The following SEMA5B variants were observed in gnomAD, a reference collection of about 807,000 sequenced individuals.
The protein encoded by SEMA5B is semaphorin-5B.
Under a neutral mutation model 135.0 loss-of-function variants are expected in SEMA5B, and 66 were observed. That is an observed-to-expected ratio of 0.49 (90% CI 0.40 to 0.60). The LOEUF (loss-of-function observed/expected upper bound fraction) is 0.60, where lower values mean the gene tolerates loss of function less well. Among genes scored for constraint, SEMA5B ranks in the 20% least tolerant of loss-of-function variants. The pLI, the probability that SEMA5B is intolerant of heterozygous loss-of-function variation, is 0.00. For synonymous variants in SEMA5B, 690 were observed against 639.5 expected (o/e 1.08, Z -1.19); for missense variants, 1,501 against 1,566.3 (o/e 0.96, Z 0.70).
At chr3:122,981,389 G>A (rs1366108798) in intron 1 of SEMA5B, among the ~76,000 whole-genome samples, 1 of 152,212 alleles carries the variant, frequency 6.6e-6, no homozygotes, top group Non-Finnish European at 1.5e-5. Context: ...AGGGAAAGAC[G>A]TGACCCCAGC....
intron 1 of SEMA5B, among the ~76,000 whole-genome samples, chr3:123,019,177 T>C (rs982399021): frequency 1.3e-5 from 2 of 152,216 alleles, no homozygotes; most frequent in African/African-American, 4.8e-5. Context: ...GAAAAGCCTA[T>C]GTAGTGGTTA....
chr3:123,018,585 C>T (rs1351742461), intron 1 of SEMA5B, among the ~76,000 whole-genome samples: 1 of 152,230 alleles, frequency 6.6e-6, no homozygotes, highest in Admixed American at 6.5e-5. Context: ...TTTCTCTTAG[C>T]TCCATTTAAG....
rs763955230 is a variant in SEMA5B at position 122,966,701 on chromosome 3, C to G, written c.-38-5400G>C. 2.9e-4 allele frequency among the ~76,000 whole-genome samples: 44 copies of G among 150,332 alleles called. 1 individual carries two copies. Among genetic ancestry groups the G allele is most frequent in the African/African-American group, 1.0e-3 (43 of 41,070 alleles). On this transcript the variant is annotated intron_variant, in intron 1 of 22. Transcript: ENST00000357599. ...TCCCAAGTAGCTGGGACTACAGGCC[C>G]CCGCCACCGCGCCCAGCTAATTTTT...
chr3:123,007,457 ACAAC>A (rs1942341667), intron 1 of SEMA5B, among the ~76,000 whole-genome samples: 1 of 152,166 alleles, frequency 6.6e-6, no homozygotes, highest in Non-Finnish European at 1.5e-5. Context: ...TATGGTCTGA[ACAAC>A]CCCTTCAAAT....
intron 2 of SEMA5B, among the ~76,000 whole-genome samples, chr3:122,953,067 T>TG (rs1940130027): frequency 6.6e-6 from 1 of 152,224 alleles, no homozygotes; most frequent in Non-Finnish European, 1.5e-5. Flanking sequence ...ATCTGTTTCC[T>TG]GGGGGGACCC....
chr3:122,995,229 G>C (rs1313769038), intron 1 of SEMA5B, among the ~76,000 whole-genome samples: 1 of 152,162 alleles, frequency 6.6e-6, no homozygotes, highest in Non-Finnish European at 1.5e-5. Context: ...GTTAGTCTGG[G>C]GTTTTCTGGA....
intron 5 of SEMA5B, 86 bp from the exon 6 acceptor site, chr3:122,929,144 T>G: frequency 7.6e-7 from 1 of 1,320,742 alleles, no homozygotes. Context: ...GCAGCCAGTG[T>G]CGGGAGTGGA....
At position 122,962,233 on chromosome 3, in the gene SEMA5B, G is replaced by C. The variant is rs1940615342; in HGVS notation, c.-38-932C>G. Reference sequence around the variant, plus strand: ...CACTCACCCTAGGGACTCCCGCTCAGTCATTCCCACTTGGCAAACACATTT... The same window carrying C: ...CACTCACCCTAGGGACTCCCGCTCACTCATTCCCACTTGGCAAACACATTT... On this transcript the variant is annotated intron_variant, in intron 1 of 22. Transcript: ENST00000357599. 1.3e-5 allele frequency among the ~76,000 whole-genome samples: 2 copies of C among 152,238 alleles called. 1 individual carries two copies. The highest frequency in any genetic ancestry group is 4.1e-4 in the South Asian group (2 of 4,834).
At chr3:122,955,229 T>A (rs905773022) in intron 2 of SEMA5B, among the ~76,000 whole-genome samples, 2 of 152,158 alleles carry the variant, frequency 1.3e-5, no homozygotes, top group Non-Finnish European at 2.9e-5. Context: ...TCTGTCTACC[T>A]CCAGACTCCT....
intron 1 of SEMA5B, among the ~76,000 whole-genome samples, chr3:122,966,700 C>G (rs9839055): frequency 0.64 from 94,867 of 149,098 alleles, 30,718 homozygotes; most frequent in African/African-American, 0.76. Context: ...GACTACAGGC[C>G]CCCGCCACCG....
intron 1 of SEMA5B, among the ~76,000 whole-genome samples, chr3:123,008,490 G>C (rs1942361556): frequency 6.6e-6 from 1 of 152,148 alleles, no homozygotes; most frequent in Non-Finnish European, 1.5e-5. Context: ...GGTATGGCTG[G>C]ATATAGCCCT....
chr3:122,963,022 C>T (rs868578410), intron 1 of SEMA5B, among the ~76,000 whole-genome samples: 1 of 152,186 alleles, frequency 6.6e-6, no homozygotes, highest in Non-Finnish European at 1.5e-5. Context: ...AGAGACTTTT[C>T]AGGGTGGCAA....
intron 12 of SEMA5B, among the ~76,000 whole-genome samples, chr3:122,919,864 C>A (rs991857563): frequency 6.6e-6 from 1 of 152,212 alleles, no homozygotes; most frequent in Non-Finnish European, 1.5e-5. Flanking sequence ...AAACTGACCT[C>A]TTTGTGCCTT....
chr3:122,934,930 T>A lies in SEMA5B; in HGVS notation c.474+4495A>T, dbSNP rs1299309413. Among the ~76,000 whole-genome samples, 7 of 151,452 alleles carry A rather than the reference T, an allele frequency of 4.6e-5. No homozygotes were observed. In the East Asian group the frequency reaches 1.4e-3, roughly 29 times the overall value. ...AAATGTATACTGAAATATTTATGGATGTTATGATATGTCTGAGATTTGCTT... is the reference window on the plus strand; with the variant it reads ...AAATGTATACTGAAATATTTATGGAAGTTATGATATGTCTGAGATTTGCTT... On this transcript the variant is annotated intron_variant, in intron 5 of 22. Coordinates refer to ENST00000357599, the MANE Select transcript of SEMA5B (RefSeq NM_001031702.4).
At chr3:122,998,254 T>C (rs1942076862) in intron 1 of SEMA5B, among the ~76,000 whole-genome samples, 1 of 152,054 alleles carries the variant, frequency 6.6e-6, no homozygotes. Flanking sequence ...CAAGACCCAC[T>C]TCACTCTGGG....
At position 122,913,503 on chromosome 3, in the gene SEMA5B, C is replaced by A. The variant is rs750737923; in HGVS notation, c.2280+31G>T. 12 of 1,598,988 alleles carry A rather than the reference C, an allele frequency of 7.5e-6. No individual in the cohort carries two copies. In the Admixed American group the frequency reaches 1.7e-4, roughly 22 times the overall value. Reference sequence around the variant, plus strand: ...TCCCCTCGGCTCCAGTACCCTACACCGCGCCCCTGGCCCACGGCCCCAACC... The same window carrying A: ...TCCCCTCGGCTCCAGTACCCTACACAGCGCCCCTGGCCCACGGCCCCAACC... On this transcript the variant is annotated intron_variant, in intron 16 of 22. Coordinates refer to ENST00000357599, the MANE Select transcript of SEMA5B (RefSeq NM_001031702.4).
In SEMA5B at chr3:122,912,994, G is replaced by A. The variant is rs1288425363; in HGVS notation, c.2574C>T (p.Ala858=). The A allele has an allele frequency of 2.5e-6, 4 of 1,608,406 alleles. No individual in the cohort carries two copies. Among genetic ancestry groups the A allele is most frequent in the East Asian group, 2.2e-5 (1 of 44,656 alleles). Residue 858 remains alanine (A), a synonymous_variant, in exon 18 of 23, where the codon GCC becomes GCT. Coordinates refer to ENST00000357599, the MANE Select transcript of SEMA5B (RefSeq NM_001031702.4). ...SPHTVSGGWA[A]WGPWSSCSRD... is the part of the protein sequence containing the mutation. ...GGGAGCAGGACGACCACGGGCCCCA[G>A]GCGGCCCAGCCCCCGCTCACCGTGT...
Position 122,977,439 on chromosome 3 carries a change from T to A in SEMA5B, c.-38-16138A>T, listed in dbSNP as rs116144471. ...CTTTGTTGCTTACCTGAAATTCAAA[T>A]GTAATTGGACAACCTATATTTTTAC... On this transcript the variant is annotated intron_variant, in intron 1 of 22. Coordinates refer to ENST00000357599, the MANE Select transcript of SEMA5B (RefSeq NM_001031702.4). Among the ~76,000 whole-genome samples the A allele has an allele frequency of 5.1e-3, 778 of 152,316 alleles. 9 individuals are homozygous for A. The highest frequency in any genetic ancestry group is 0.018 in the African/African-American group (734 of 41,554).
At chr3:122,992,666 T>C (rs1159212177) in intron 1 of SEMA5B, 8 of 152,236 alleles carry the variant, frequency 5.3e-5, no homozygotes, top group Non-Finnish European at 1.5e-5. Context: ...CCAGTTGGCA[T>C]GAGGTGAGGC....
Sources: gnomAD v4.1 joint callset for allele counts (sites outside exome capture counted in the v4.1 genomes callset) on GRCh38, gnomAD v4.1.1 for gene constraint, MANE v1.5 for transcripts, NCBI Gene and HGNC (gene_info 2026-07-23, HGNC 2026-07-21) for gene names.